The following ARHGAP31 variants were observed in gnomAD, a reference collection of about 807,000 sequenced individuals.
The protein encoded by ARHGAP31 is rho GTPase-activating protein 31.
In ARHGAP31, 34 loss-of-function variants were observed where a neutral mutation model predicts 113.9. The observed-to-expected ratio is 0.30, with a 90% CI of 0.23 to 0.40. ARHGAP31 has a LOEUF of 0.40. Among genes scored for constraint, ARHGAP31 ranks in the 10% least tolerant of loss-of-function variants. The pLI is 1.00. For missense variants in ARHGAP31, 1,548 were observed against 1,767.1 expected, an observed-to-expected ratio of 0.88 and a Z score of 2.22; for synonymous variants, 650 against 684.8, an observed-to-expected ratio of 0.95 and a Z score of 0.79.
rs186859764 is a variant in ARHGAP31 at position 119,399,907 on chromosome 3, G to C, written c.1069+646G>C. Among the ~76,000 whole-genome samples, 270 of 152,270 alleles carry C rather than the reference G, an allele frequency of 1.8e-3. 5 individuals carry two copies. Among genetic ancestry groups the C allele is most frequent in the Non-Finnish European group, 3.2e-4 (22 of 68,018 alleles). ...ACACATAACATTTGTTCTCACAGCT[G>C]TATCCTTCAGGGCTGACTTGCCTGT... On this transcript the variant is annotated intron_variant, in intron 9 of 11. Transcript: ENST00000264245.
chr3:119,324,607 G>C (rs2107604188), intron 1 of ARHGAP31, among the ~76,000 whole-genome samples: 1 of 152,340 alleles, frequency 6.6e-6, no homozygotes, highest in East Asian at 1.9e-4. Flanking sequence ...CTCCCAAGGA[G>C]ATTTGTAGCT....
Position 119,294,950 on chromosome 3 carries a change from G to C in ARHGAP31, c.46G>C (p.Ala16Pro). The change falls in exon 1 of 12, where the codon GCC becomes CCC. Residue 16 changes from alanine to proline, a missense_variant. Coordinates refer to ENST00000264245, the MANE Select transcript of ARHGAP31 (RefSeq NM_020754.4). ...GCAGAAGCTGAAACGAAAGGGAGCCGCCAGCGCGTTTGGCTGTGACCTGAC... is the reference window on the plus strand; with the variant it reads ...GCAGAAGCTGAAACGAAAGGGAGCCCCCAGCGCGTTTGGCTGTGACCTGAC... ...AKQKLKRKGA[A>P]SAFGCDLTEY... 6.2e-7 allele frequency: 1 copy of C among 1,614,116 alleles called. No homozygotes were observed. Among genetic ancestry groups the C allele is most frequent in the Non-Finnish European group, 8.5e-7 (1 of 1,180,018 alleles).
chr3:119,391,037 A>G, intron 7 of ARHGAP31, 54 bp downstream of exon 7: 1 of 1,583,300 alleles, frequency 6.3e-7, no homozygotes, highest in Non-Finnish European at 8.7e-7. Context: ...AAGAGGAAAG[A>G]GGAGGAGAGG....
chr3:119,311,757 G>A (rs1420114803), intron 1 of ARHGAP31, among the ~76,000 whole-genome samples: 1 of 152,212 alleles, frequency 6.6e-6, no homozygotes, highest in Non-Finnish European at 1.5e-5. Flanking sequence ...TCTGTCCTGG[G>A]GAGGGAATGT....
intron 6 of ARHGAP31, among the ~76,000 whole-genome samples, chr3:119,385,350 C>T (rs1303093559): frequency 6.6e-6 from 1 of 151,986 alleles, no homozygotes; most frequent in Non-Finnish European, 1.5e-5. Flanking sequence ...CATTTTTATC[C>T]ATTCCTTAGT....
chr3:119,382,299 G>A lies in ARHGAP31; in HGVS notation c.439G>A (p.Glu147Lys). The change falls in exon 5 of 12, where the codon GAA becomes AAA. Residue 147 changes from glutamate (E) to lysine (K), a missense_variant. Coordinates refer to ENST00000264245, the MANE Select transcript of ARHGAP31 (RefSeq NM_020754.4). ...AAAAACAAACCATTCTAGGACCTTG[G>A]AATACCTGATTCGACACCTGGCCCA... ...ELPPSHYRTL[E>K]YLIRHLAHIA... 2 of 1,614,080 alleles carry A rather than the reference G, an allele frequency of 1.2e-6. No individual in the cohort carries two copies. Among genetic ancestry groups the A allele is most frequent in the South Asian group, 1.1e-5 (1 of 91,072 alleles).
intron 1 of ARHGAP31, among the ~76,000 whole-genome samples, chr3:119,358,938 A>G (rs913537129): frequency 1.3e-5 from 2 of 152,192 alleles, no homozygotes; most frequent in African/African-American, 4.8e-5. Flanking sequence ...TTGTGAATAC[A>G]CTAAAAATCA....
intron 1 of ARHGAP31, among the ~76,000 whole-genome samples, chr3:119,320,881 C>T (rs1040504450): frequency 6.6e-6 from 1 of 152,078 alleles, no homozygotes; most frequent in Non-Finnish European, 1.5e-5. Flanking sequence ...AATCATGGGG[C>T]CAGGCCTTTC....
intron 1 of ARHGAP31, among the ~76,000 whole-genome samples, chr3:119,360,603 A>T (rs973812918): frequency 6.6e-6 from 1 of 152,236 alleles, no homozygotes; most frequent in Non-Finnish European, 1.5e-5. Context: ...AGGTTAGGAC[A>T]TGAGGAAAAC....
At chr3:119,356,899 G>T (rs1014430470) in intron 1 of ARHGAP31, among the ~76,000 whole-genome samples, 5 of 152,062 alleles carry the variant, frequency 3.3e-5, no homozygotes, top group Non-Finnish European at 1.5e-5. Flanking sequence ...AATATCTGTG[G>T]GATAAATTTC....
intron 1 of ARHGAP31, among the ~76,000 whole-genome samples, chr3:119,356,949 T>C (rs1577010288): frequency 6.6e-6 from 1 of 152,268 alleles, no homozygotes; most frequent in African/African-American, 2.4e-5. Flanking sequence ...TGTGCACTTA[T>C]AATTTTAACA....
chr3:119,319,393 T>C (rs2107601495), intron 1 of ARHGAP31, among the ~76,000 whole-genome samples: 2 of 152,252 alleles, frequency 1.3e-5, no homozygotes, highest in Non-Finnish European at 2.9e-5. Flanking sequence ...TAATAACTTT[T>C]AAAAAGATAA....
rs369363243 is a variant in ARHGAP31, at chr3:119,413,316, C to CAA, written c.1927-524_1927-523dup. ...TGGATGATAACGCGAGACTCTGTCTCAAAAAAAAAAAAAAAAAGAAAATTA... is the reference window on the plus strand; with the variant it reads ...TGGATGATAACGCGAGACTCTGTCTCAAAAAAAAAAAAAAAAAAAGAAAATTA... On this transcript the variant is annotated intron_variant, in intron 11 of 11. Transcript: ENST00000264245. Among the ~76,000 whole-genome samples, 170 of 91,340 alleles carry CAA rather than the reference C, an allele frequency of 1.9e-3. 1 individual carries two copies. Among genetic ancestry groups the CAA allele is most frequent in the South Asian group, 8.5e-3 (25 of 2,950 alleles). The allele number at this position is 91,340 out of a possible 152,430, so 59.9% of individuals were successfully genotyped here.
chr3:119,401,690 C>T (rs2080608695), intron 9 of ARHGAP31, 132 bp from the exon 10 acceptor site: 1 of 807,804 alleles, frequency 1.2e-6, no homozygotes, highest in Non-Finnish European at 2.1e-6. Flanking sequence ...CTGTCTTTAT[C>T]TGGGCGGTTA....
At chr3:119,329,584 C>T (rs952702544) in intron 1 of ARHGAP31, among the ~76,000 whole-genome samples, 1 of 152,192 alleles carries the variant, frequency 6.6e-6, no homozygotes, top group Non-Finnish European at 1.5e-5. Context: ...CTTTGCAAGG[C>T]CCCAAATCCA....
At chr3:119,393,619 A>G in intron 8 of ARHGAP31, 28 bp downstream of exon 8, 7 of 1,613,402 alleles carry the variant, frequency 4.3e-6, no homozygotes, top group Non-Finnish European at 5.9e-6. Context: ...TTGTTTTATG[A>G]TACAAATATT....
At chr3:119,402,848 C>A (rs186176735) in intron 10 of ARHGAP31, among the ~76,000 whole-genome samples, 13 of 152,272 alleles carry the variant, frequency 8.5e-5, no homozygotes, top group African/African-American at 2.6e-4. Flanking sequence ...TTCCATCCAC[C>A]CATCCTTATT....
chr3:119,389,147 C>T (rs1229846640), intron 6 of ARHGAP31, among the ~76,000 whole-genome samples: 1 of 151,866 alleles, frequency 6.6e-6, no homozygotes, highest in East Asian at 1.9e-4. Flanking sequence ...GGCGACAGAG[C>T]GAGACTCCGT....
intron 1 of ARHGAP31, among the ~76,000 whole-genome samples, chr3:119,307,102 T>G (rs141394497): frequency 8.6e-5 from 13 of 151,864 alleles, no homozygotes; most frequent in Non-Finnish European, 8.8e-5. Context: ...CTATCCGCAG[T>G]GTGTAGCAGG....
Sources: gnomAD v4.1 joint callset for allele counts (sites outside exome capture counted in the v4.1 genomes callset) on GRCh38, gnomAD v4.1.1 for gene constraint, MANE v1.5 for transcripts, NCBI Gene and HGNC (gene_info 2026-07-23, HGNC 2026-07-21) for gene names.